The following KIF4A variants were observed in gnomAD, a reference collection of about 807,000 sequenced individuals.
KIF4A encodes the protein kinesin family member 4A, also known as chromosome-associated kinesin KIF4A.
A neutral mutation model predicts 105.9 loss-of-function variants in KIF4A; 7 were observed. The observed-to-expected ratio is 0.07, with a 90% CI of 0.04 to 0.12. KIF4A has a LOEUF of 0.12. Among genes scored for constraint, KIF4A ranks in the 10% least tolerant of loss-of-function variants. The probability of loss-of-function intolerance (pLI) is 1.00; values close to 1 mark genes in which losing one functional copy is unlikely to be tolerated. For synonymous variants in KIF4A, 281 were observed against 331.3 expected (o/e 0.85, Z 1.65); for missense variants, 558 against 929.2 (o/e 0.60, Z 5.19).
intron 15 of KIF4A, among the ~76,000 whole-genome samples, chrX:70,358,093 A>G (rs989470829): frequency 9.1e-6 from 1 of 110,344 alleles, no homozygotes; most frequent in Non-Finnish European, 1.9e-5. Flanking sequence ...TATTTTTTGT[A>G]GAGATGGGGT....
chrX:70,364,649 T>TA (rs1007752753), intron 15 of KIF4A, among the ~76,000 whole-genome samples: 4 of 111,588 alleles, frequency 3.6e-5, no homozygotes, highest in African/African-American at 9.8e-5. Flanking sequence ...TGTAGCCTTG[T>TA]AGTATAGTTT....
chrX:70,314,587 C>T (rs2085862673), intron 7 of KIF4A, among the ~76,000 whole-genome samples: 1 of 111,692 alleles, frequency 9.0e-6, no homozygotes, highest in Non-Finnish European at 1.9e-5. Context: ...AAAGTCAGGA[C>T]AAGAGCTTAG....
chrX:70,296,691 T>C lies in KIF4A; in HGVS notation c.236-307T>C, dbSNP rs1008082220. Among the ~76,000 whole-genome samples, 3 of 112,898 alleles carry C rather than the reference T, an allele frequency of 2.7e-5. No individual in the cohort carries two copies. The Admixed American group carries it at 2.8e-4, about 11-fold the overall frequency. ...TTCAAGCTCCAATGGCTTTTGACAG[T>C]GGCTTGGCCACCTTCATTTAGTCAG... On this transcript the variant is annotated intron_variant, in intron 3 of 30. Coordinates refer to ENST00000374403, the MANE Select transcript of KIF4A (RefSeq NM_012310.5).
chrX:70,347,992 G>GAAAAAAAAAAAAAAAAA (rs2086001055), intron 13 of KIF4A, among the ~76,000 whole-genome samples: 1 of 63,052 alleles, frequency 1.6e-5, no homozygotes, highest in African/African-American at 5.9e-5. Flanking sequence ...AAAAAAGAAT[G>GAAAAAAAAAAAAAAAAA]ATTTAGTATG....
At chrX:70,320,129 T>C (rs1220932548) in intron 7 of KIF4A, among the ~76,000 whole-genome samples, 1 of 111,840 alleles carries the variant, frequency 8.9e-6, no homozygotes. Flanking sequence ...ATTAATCTAA[T>C]TGCACCCAGC....
intron 13 of KIF4A, among the ~76,000 whole-genome samples, chrX:70,348,318 T>C (rs1287442979): frequency 9.0e-6 from 1 of 111,554 alleles, no homozygotes; most frequent in Non-Finnish European, 1.9e-5. Context: ...CTTCATGACA[T>C]AGTGAGACCC....
chrX:70,372,431 A>G (rs763869512), intron 15 of KIF4A, among the ~76,000 whole-genome samples: 2 of 113,246 alleles, frequency 1.8e-5, no homozygotes, highest in South Asian at 7.2e-4. Flanking sequence ...ACTCACGGTT[A>G]GGAGCTGGAG....
chrX:70,365,945 T>G (rs1358057508), intron 15 of KIF4A, among the ~76,000 whole-genome samples: 1 of 111,723 alleles, frequency 9.0e-6, no homozygotes, highest in East Asian at 2.8e-4. Flanking sequence ...TATTCAGAGA[T>G]TCAACTTCTT....
chrX:70,402,531 A>G (rs2086286046), intron 22 of KIF4A, 35 bp from the exon 23 acceptor site: 1 of 1,201,569 alleles, frequency 8.3e-7, no homozygotes, highest in Non-Finnish European at 1.1e-6. Flanking sequence ...TGTTCAGGCT[A>G]CTTGCAATAA....
intron 13 of KIF4A, among the ~76,000 whole-genome samples, chrX:70,347,891 C>T (rs957984449): frequency 2.3e-5 from 2 of 86,666 alleles, no homozygotes; most frequent in Admixed American, 1.4e-4. Flanking sequence ...AGGAGAATGG[C>T]GTGAACCCGG....
chrX:70,303,937 T>TATTA lies in KIF4A; in HGVS notation c.778+1539_778+1540insATTA, dbSNP rs1555944845. The stretch of plus-strand genomic sequence containing the variant: ...CTTTTTTTTTATTTTTTTATTTTAT[T>TATTA]TTATTATTATTATTATTATACTTTA... On this transcript the variant is annotated intron_variant, in intron 7 of 30. Transcript: ENST00000374403. 4.8e-5 allele frequency among the ~76,000 whole-genome samples: 5 copies of TATTA among 104,151 alleles called. No homozygotes were observed. In the East Asian group the frequency reaches 1.5e-3, roughly 32 times the overall value. 90.4% of individuals were successfully genotyped at this position (104,151 alleles called of 115,157 possible).
intron 15 of KIF4A, among the ~76,000 whole-genome samples, chrX:70,356,784 G>A (rs1034095392): frequency 9.0e-6 from 1 of 111,400 alleles, no homozygotes; most frequent in South Asian, 3.8e-4. Flanking sequence ...AGACAAGAAC[G>A]TAGCTCTCTT....
intron 28 of KIF4A, among the ~76,000 whole-genome samples, chrX:70,416,345 CTTTTTTTTTTT>C (rs376059238): frequency 1.6e-5 from 1 of 62,774 alleles, no homozygotes; most frequent in South Asian, 9.5e-4. Flanking sequence ...TCTGCACAGT[CTTTTTTTTTTT>C]TTTTTTTTTT....
At chrX:70,308,400 C>T (rs1340259867) in intron 7 of KIF4A, among the ~76,000 whole-genome samples, 2 of 112,038 alleles carry the variant, frequency 1.8e-5, no homozygotes, top group Non-Finnish European at 3.8e-5. Context: ...ACAAACAATA[C>T]AGATGAAGAT....
At chrX:70,332,733 A>G (rs2085935713) in intron 9 of KIF4A, among the ~76,000 whole-genome samples, 1 of 110,935 alleles carries the variant, frequency 9.0e-6, no homozygotes, top group Non-Finnish European at 1.9e-5. Context: ...ATAAGATGGC[A>G]AGAAGAGTGG....
chrX:70,348,518 G>A (rs961726307), intron 13 of KIF4A, among the ~76,000 whole-genome samples: 3 of 111,007 alleles, frequency 2.7e-5, no homozygotes, highest in African/African-American at 9.8e-5. Context: ...CAGTGTTTGT[G>A]TCCCTGGGTA....
intron 15 of KIF4A, among the ~76,000 whole-genome samples, chrX:70,357,862 A>G (rs2086058164): frequency 9.0e-6 from 1 of 110,907 alleles, no homozygotes. Context: ...TTAATTTCAC[A>G]ATGATGGACC....
At chrX:70,377,297 C>T (rs1305361495) in intron 18 of KIF4A, among the ~76,000 whole-genome samples, 1 of 111,046 alleles carries the variant, frequency 9.0e-6, no homozygotes, top group Non-Finnish European at 1.9e-5. Context: ...GTCTCGAACT[C>T]CTGGGCTCAA....
chrX:70,350,013 G>A (rs1283588409), intron 13 of KIF4A, among the ~76,000 whole-genome samples: 5 of 113,062 alleles, frequency 4.4e-5, no homozygotes, highest in South Asian at 3.5e-4. Context: ...CGGGGCAGCC[G>A]GGCAGAGGGG....
Sources: gnomAD v4.1 joint callset for allele counts (sites outside exome capture counted in the v4.1 genomes callset) on GRCh38, gnomAD v4.1.1 for gene constraint, MANE v1.5 for transcripts, NCBI Gene and HGNC (gene_info 2026-07-23, HGNC 2026-07-21) for gene names.